Variants in SLC28A1 observed in about 807,000 individuals in gnomAD.
SLC28A1 encodes the protein solute carrier family 28 member 1, also known as sodium/nucleoside cotransporter 1.
Under a neutral mutation model 74.8 loss-of-function variants are expected in SLC28A1, and 64 were observed. That is an observed-to-expected ratio of 0.86 (90% confidence interval 0.70 to 1.05). The LOEUF (loss-of-function observed/expected upper bound fraction) is 1.05. Ranked by LOEUF, SLC28A1 falls within the 50% of genes least tolerant of loss-of-function variation. The pLI is 0.00. For synonymous variants in SLC28A1, 359 were observed against 335.0 expected, an observed-to-expected ratio of 1.07 and a Z score of -0.78; for missense variants, 828 against 822.8, an observed-to-expected ratio of 1.01 and a Z score of -0.08.
At chr15:84,923,846 G>A in intron 11 of SLC28A1, 139 bp from the exon 12 acceptor site, 2 of 1,117,166 alleles carry the variant, frequency 1.8e-6, no homozygotes, top group Non-Finnish European at 1.3e-6. Flanking sequence ...GAGAAGCTCA[G>A]CCAAGTACAG....
the SLC28A1 span, among the ~76,000 whole-genome samples, chr15:84,965,908 G>C: frequency 2.6e-3 from 391 of 148,588 alleles, 5 homozygotes; most frequent in African/African-American, 9.8e-3. Flanking sequence ...CGGGGAGGGG[G>C]GGGAAATATT....
At chr15:84,911,258 C>T (rs930606087) in intron 9 of SLC28A1, among the ~76,000 whole-genome samples, 1 of 152,230 alleles carries the variant, frequency 6.6e-6, no homozygotes, top group African/African-American at 2.4e-5. Context: ...GTGTACACAC[C>T]TGCTGCTTGC....
rs368701526 is a variant in SLC28A1 at position 84,931,800 on chromosome 15, G to A, written c.1084-1345G>A. ...GGGCAGATCACGAGGTCAGGAGTTC[G>A]AGACTAGCCTGGCCAACACGGTGAA... On this transcript the variant is annotated intron_variant, in intron 12 of 18. Coordinates refer to ENST00000394573, the MANE Select transcript of SLC28A1 (RefSeq NM_004213.5). Among the ~76,000 whole-genome samples, 846 of 151,754 alleles carry A rather than the reference G, an allele frequency of 5.6e-3. 12 individuals carry two copies. The highest frequency in any genetic ancestry group is 0.018 in the African/African-American group (753 of 41,332).
At chr15:84,905,416 G>A in intron 7 of SLC28A1, 123 bp from the exon 8 acceptor site, 1 of 725,798 alleles carries the variant, frequency 1.4e-6, no homozygotes, top group Non-Finnish European at 2.5e-6. Flanking sequence ...AACAGGCCTA[G>A]TACTCTGCCT....
intron 6 of SLC28A1, among the ~76,000 whole-genome samples, chr15:84,901,866 T>C (rs1966722561): frequency 6.6e-6 from 1 of 152,182 alleles, no homozygotes; most frequent in Non-Finnish European, 1.5e-5. Flanking sequence ...CCAAGAGAAA[T>C]AAAAGCATAT....
At chr15:84,932,653 C>A (rs1971456803) in intron 12 of SLC28A1, among the ~76,000 whole-genome samples, 1 of 152,198 alleles carries the variant, frequency 6.6e-6, no homozygotes, top group South Asian at 2.1e-4. Flanking sequence ...ATTGGTTTAG[C>A]TCTTAAATCC....
At chr15:84,921,143 G>C in intron 11 of SLC28A1, 74 bp downstream of exon 11, 1 of 1,140,902 alleles carries the variant, frequency 8.8e-7, no homozygotes, top group East Asian at 2.4e-5. Context: ...TGGATCCCCA[G>C]AGCTCTGATT....
At chr15:84,967,072 T>C in the SLC28A1 span, among the ~76,000 whole-genome samples, 2 of 152,176 alleles carry the variant, frequency 1.3e-5, no homozygotes, top group South Asian at 4.1e-4. Context: ...TGAGCCACCA[T>C]ACCCAGCCCT....
At chr15:84,894,907 G>T in intron 5 of SLC28A1, 33 bp from the exon 6 acceptor site, 3 of 1,606,496 alleles carry the variant, frequency 1.9e-6, no homozygotes, top group Non-Finnish European at 1.7e-6. Context: ...GTGGTGTCCT[G>T]GCTGTTGACC....
At chr15:84,948,434 A>G (rs28600360), downstream of SLC28A1, among the ~76,000 whole-genome samples, 2,287 of 152,222 alleles carry the variant, frequency 0.015, 55 homozygotes, top group African/African-American at 0.05. Context: ...CTCCATTCCC[A>G]TGAGTGATTT....
intron 6 of SLC28A1, chr15:84,895,492 G>C (rs372437722): frequency 3.7e-5 from 59 of 1,600,848 alleles, no homozygotes; most frequent in East Asian, 2.3e-4. Context: ...CAGCAGGCTC[G>C]ATCGGGGTCC....
the SLC28A1 span, among the ~76,000 whole-genome samples, chr15:84,968,171 G>C: frequency 4.6e-5 from 7 of 152,198 alleles, no homozygotes; most frequent in Non-Finnish European, 7.3e-5. Flanking sequence ...CCCTTGAAGA[G>C]AGGACTTGTT....
chr15:84,934,558 G>A (rs1971666299), intron 13 of SLC28A1, among the ~76,000 whole-genome samples: 1 of 152,200 alleles, frequency 6.6e-6, no homozygotes, highest in Non-Finnish European at 1.5e-5. Flanking sequence ...AGGCACTGGA[G>A]CAGCGCTGTC....
At chr15:84,970,075 G>A in the SLC28A1 span, among the ~76,000 whole-genome samples, 1 of 152,208 alleles carries the variant, frequency 6.6e-6, no homozygotes, top group Non-Finnish European at 1.5e-5. Context: ...TCTAGGGTTG[G>A]TGAATTTCAG....
At chr15:84,967,533 T>C in the SLC28A1 span, among the ~76,000 whole-genome samples, 1 of 152,220 alleles carries the variant, frequency 6.6e-6, no homozygotes, top group Non-Finnish European at 1.5e-5. Flanking sequence ...CACAAATTCA[T>C]TCAGACACAG....
In SLC28A1 at chr15:84,888,770, A is replaced by G. The variant is rs1351836866; in HGVS notation, c.97-2A>G. 1.1e-5 allele frequency: 17 copies of G among 1,551,986 alleles called. No homozygotes were observed. Among genetic ancestry groups the G allele is most frequent in the Non-Finnish European group, 1.5e-5 (17 of 1,147,160 alleles). On this transcript the variant is annotated splice_acceptor_variant, in intron 3 of 18. Coordinates refer to ENST00000394573, the MANE Select transcript of SLC28A1 (RefSeq NM_004213.5). LOFTEE classifies it high-confidence loss of function. ...GACCTGACGGCTCCCTGCGGGCTGT[A>G]GGAGGAAGGCCAGCTCCCTAGGAGT...
At chr15:84,900,037 C>T (rs1363276169) in intron 6 of SLC28A1, among the ~76,000 whole-genome samples, 1 of 152,022 alleles carries the variant, frequency 6.6e-6, no homozygotes, top group Non-Finnish European at 1.5e-5. Context: ...AGCCTGCCGG[C>T]CAGGTGTGGT....
chr15:84,898,776 C>T (rs767152674), intron 6 of SLC28A1, among the ~76,000 whole-genome samples: 13 of 152,110 alleles, frequency 8.5e-5, no homozygotes, highest in African/African-American at 2.2e-4. Context: ...TTTAGCCCTA[C>T]GGTCTCCCCA....
At chr15:84,957,537 G>A in the SLC28A1 span, among the ~76,000 whole-genome samples, 1 of 152,178 alleles carries the variant, frequency 6.6e-6, no homozygotes, top group African/African-American at 2.4e-5. Flanking sequence ...AAATTTCTGG[G>A]ATTACAGGCA....
Sources: allele counts gnomAD v4.1 joint callset (sites outside exome capture counted in the v4.1 genomes callset), GRCh38; gene constraint gnomAD v4.1.1; transcripts MANE v1.5; gene names NCBI Gene and HGNC (gene_info 2026-07-23, HGNC 2026-07-21).